The following WDR47 variants were observed in gnomAD, a reference collection of about 807,000 sequenced individuals.
The protein encoded by WDR47 is WD repeat-containing protein 47.
WDR47 carries 32 observed loss-of-function variants against 97.2 expected under a neutral mutation model. That is an observed-to-expected ratio of 0.33 (90% CI 0.25 to 0.44). The LOEUF (loss-of-function observed/expected upper bound fraction) is 0.44. Among genes scored for constraint, WDR47 ranks in the 20% least tolerant of loss-of-function variants. The pLI is 1.00. For synonymous variants in WDR47, 375 were observed against 373.5 expected, an observed-to-expected ratio of 1.00 and a Z score of -0.05; for missense variants, 782 against 1,102.3, an observed-to-expected ratio of 0.71 and a Z score of 4.11.
At chr1:109,027,305 C>G (rs576390170) in intron 1 of WDR47, among the ~76,000 whole-genome samples, 1 of 152,238 alleles carries the variant, frequency 6.6e-6, no homozygotes, top group Admixed American at 6.6e-5. Context: ...ATCCGCCCAC[C>G]TCAGCCTCCC....
At chr1:109,036,562 C>T (rs897648257) in intron 1 of WDR47, among the ~76,000 whole-genome samples, 25 of 140,944 alleles carry the variant, frequency 1.8e-4, no homozygotes, top group South Asian at 6.8e-4. Flanking sequence ...ATAGTCCAGG[C>T]GCGGTGGCTC....
chr1:108,977,744 C>T (rs923097070), intron 13 of WDR47, among the ~76,000 whole-genome samples: 1 of 151,936 alleles, frequency 6.6e-6, no homozygotes. Context: ...ATGAAAATCG[C>T]TTGAACCCAG....
Position 109,011,136 on chromosome 1 carries a change from A to T in WDR47, c.910T>A (p.Ser304Thr). 6.2e-7 allele frequency: 1 copy of T among 1,614,140 alleles called. No individual in the cohort carries two copies. Among genetic ancestry groups the T allele is most frequent in the Non-Finnish European group, 8.5e-7 (1 of 1,180,026 alleles). The change falls in exon 5 of 15, where the codon TCA (serine) becomes ACA (threonine). Residue 304 changes from serine (S) to threonine (T), a missense_variant. Coordinates refer to ENST00000369962, the MANE Select transcript of WDR47 (RefSeq NM_001142551.2). Reference sequence around the variant, plus strand: ...GAGCGGGTCATATAGGCATCAGCTGATTGAGGTCTTCTCATTGGGGATGAT... The same window carrying T: ...GAGCGGGTCATATAGGCATCAGCTGTTTGAGGTCTTCTCATTGGGGATGAT... ...YPSSPMRRPQ[S>T]ADAYMTRSLN...
chr1:108,983,219 A>G, intron 11 of WDR47, 63 bp downstream of exon 11: 1 of 1,404,790 alleles, frequency 7.1e-7, no homozygotes, highest in Non-Finnish European at 9.4e-7. Flanking sequence ...CAGAAATACA[A>G]CATGGAGAAA....
At chr1:108,988,901 G>A (rs1002000829) in intron 9 of WDR47, among the ~76,000 whole-genome samples, 4 of 151,922 alleles carry the variant, frequency 2.6e-5, no homozygotes, top group Admixed American at 1.3e-4. Context: ...GGGATTATAG[G>A]CATGCACCAC....
intron 9 of WDR47, among the ~76,000 whole-genome samples, chr1:108,987,701 G>T (rs367604562): frequency 6.7e-6 from 1 of 150,022 alleles, no homozygotes; most frequent in East Asian, 2.0e-4. Context: ...CTCCTGACCT[G>T]AAGTGATCTG....
intron 9 of WDR47, among the ~76,000 whole-genome samples, chr1:108,988,705 A>C (rs921061242): frequency 2.6e-5 from 4 of 151,908 alleles, no homozygotes; most frequent in Non-Finnish European, 5.9e-5. Context: ...AAATAAACAA[A>C]CATCCCTTTA....
At chr1:108,973,869 T>A (rs984030136) in intron 14 of WDR47, among the ~76,000 whole-genome samples, 1 of 125,734 alleles carries the variant, frequency 8.0e-6, no homozygotes, top group Non-Finnish European at 1.6e-5. Context: ...GGTGAAAGAG[T>A]GAGACCCTGC....
At chr1:109,036,729 A>G (rs549602026) in intron 1 of WDR47, among the ~76,000 whole-genome samples, 47 of 150,488 alleles carry the variant, frequency 3.1e-4, no homozygotes, top group Admixed American at 3.1e-3. Context: ...CCAGCTACTC[A>G]GGAGGCCGAG....
At chr1:109,024,696 T>C (rs138816632) in intron 1 of WDR47, among the ~76,000 whole-genome samples, 5,601 of 152,250 alleles carry the variant, frequency 0.037, 122 homozygotes, top group Admixed American at 0.057. Flanking sequence ...AGTTTTCAAA[T>C]GTTAAGGTTC....
chr1:109,002,388 T>G lies in WDR47; in HGVS notation c.1269A>C (p.Thr423=), dbSNP rs1660281073. 1 of 1,601,730 alleles carries G rather than the reference T, an allele frequency of 6.2e-7. No homozygotes were observed. The highest frequency in any genetic ancestry group is 1.7e-5 in the Admixed American group (1 of 57,862). ...KQEKNELRDS[T]EQFQEYYRQR... is the part of the protein sequence containing the mutation. Reference sequence around the variant, plus strand: ...GCCTATAATATTCTTGAAATTGTTCTGTTGAATCTCGAAGCTTAAAAACAT... The same window carrying G: ...GCCTATAATATTCTTGAAATTGTTCGGTTGAATCTCGAAGCTTAAAAACAT... The change falls in exon 7 of 15, where the codon ACA becomes ACC. Residue 423 remains threonine (T), a synonymous_variant. Transcript: ENST00000369962.
At chr1:109,014,631 C>G (rs1388606590) in intron 3 of WDR47, among the ~76,000 whole-genome samples, 1 of 151,798 alleles carries the variant, frequency 6.6e-6, no homozygotes, top group Non-Finnish European at 1.5e-5. Context: ...GACCGGGTCT[C>G]ACTTTGTTGC....
chr1:109,010,608 A>C (rs1449165934), intron 5 of WDR47, among the ~76,000 whole-genome samples: 1 of 122,928 alleles, frequency 8.1e-6, no homozygotes, highest in East Asian at 2.4e-4. Context: ...TTTGAGTCGG[A>C]GTCTCACTCT....
intron 13 of WDR47, among the ~76,000 whole-genome samples, chr1:108,979,682 A>C: frequency 6.6e-6 from 1 of 152,354 alleles, no homozygotes; most frequent in Non-Finnish European, 1.5e-5. Context: ...ATAAGAAAAT[A>C]AATAAATACG....
chr1:109,005,710 A>ATGTG (rs1660547060), intron 5 of WDR47, among the ~76,000 whole-genome samples: 1 of 151,980 alleles, frequency 6.6e-6, no homozygotes, highest in African/African-American at 2.4e-5. Context: ...TGTCTCTACC[A>ATGTG]AAAACACAAA....
chr1:108,991,352 A>G (rs774509199), intron 8 of WDR47, 23 bp from the exon 9 acceptor site: 6 of 1,594,570 alleles, frequency 3.8e-6, no homozygotes, highest in Non-Finnish European at 5.1e-6. Context: ...AAATTCAAGT[A>G]AAGTTTACTC....
In WDR47 at chr1:109,016,388, T is replaced by A. The variant is rs577702567; in HGVS notation, c.242+1130A>T. On this transcript the variant is annotated intron_variant, in intron 3 of 14. Transcript: ENST00000369962. ...CTGCACTCCAGCCTGGGCAACAGAA[T>A]GAGACCCTGTCTCAAAAAAAAAGTT... Among the ~76,000 whole-genome samples, 11 of 152,082 alleles carry A rather than the reference T, an allele frequency of 7.2e-5. No homozygotes were observed. In the East Asian group the frequency reaches 1.7e-3, roughly 24 times the overall value.
chr1:109,027,850 G>A (rs1662319555), intron 1 of WDR47, among the ~76,000 whole-genome samples: 1 of 152,012 alleles, frequency 6.6e-6, no homozygotes, highest in Admixed American at 6.6e-5. Context: ...TCTATTTCCT[G>A]TAATCCTAGC....
intron 7 of WDR47, among the ~76,000 whole-genome samples, chr1:109,001,932 G>A (rs1207089448): frequency 6.6e-6 from 1 of 151,814 alleles, no homozygotes; most frequent in Middle Eastern, 3.4e-3. Context: ...AAAAGAACTA[G>A]AGTGACTTCC....
Sources: gnomAD v4.1 joint callset for allele counts (sites outside exome capture counted in the v4.1 genomes callset) on GRCh38, gnomAD v4.1.1 for gene constraint, MANE v1.5 for transcripts, NCBI Gene and HGNC (gene_info 2026-07-23, HGNC 2026-07-21) for gene names.